ADAMTS17: variants seen among roughly 807,000 people sequenced by gnomAD.
ADAMTS17 encodes A disintegrin and metalloproteinase with thrombospondin motifs 17.
A neutral mutation model predicts 141.5 loss-of-function variants in ADAMTS17; 113 were observed. That is an observed-to-expected ratio of 0.80 (90% CI 0.69 to 0.93). The LOEUF is 0.93. ADAMTS17 is among the 40% of genes least tolerant of loss of function. ADAMTS17 has a pLI of 0.00. For missense variants in ADAMTS17, 1,659 were observed against 1,517.9 expected (o/e 1.09, Z -1.54); for synonymous variants, 768 against 630.6 (o/e 1.22, Z -3.27).
chr15:100,239,480 G>C (rs1003228179), intron 7 of ADAMTS17, among the ~76,000 whole-genome samples: 4 of 151,830 alleles, frequency 2.6e-5, no homozygotes, highest in African/African-American at 4.9e-5. Flanking sequence ...TGCAGATCTC[G>C]GCACCGCTCC....
chr15:100,194,310 C>A (rs1026401003), intron 8 of ADAMTS17, among the ~76,000 whole-genome samples: 3 of 152,186 alleles, frequency 2.0e-5, no homozygotes, highest in African/African-American at 7.2e-5. Flanking sequence ...AGCAGCTGCA[C>A]TAGGACCAGC....
intron 3 of ADAMTS17, among the ~76,000 whole-genome samples, chr15:100,325,502 C>G (rs551818109): frequency 7.2e-5 from 11 of 152,160 alleles, no homozygotes; most frequent in Non-Finnish European, 1.5e-4. Flanking sequence ...CCCTCCAGAT[C>G]TCATAATGAA....
intron 7 of ADAMTS17, among the ~76,000 whole-genome samples, chr15:100,221,360 TAAGGA>T (rs1475894047): frequency 5.3e-5 from 8 of 152,128 alleles, no homozygotes; most frequent in Admixed American, 5.2e-4. Context: ...GTGTGTGTTT[TAAGGA>T]GAGAAAAAAT....
At chr15:100,131,366 G>GAAAAAA (rs11398544) in intron 12 of ADAMTS17, among the ~76,000 whole-genome samples, 2 of 127,808 alleles carry the variant, frequency 1.6e-5, no homozygotes, top group Non-Finnish European at 1.6e-5. Flanking sequence ...CTTAAAGTAT[G>GAAAAAA]AAAAAAAAAA....
At chr15:100,087,460 AAG>A (rs145026334) in intron 15 of ADAMTS17, among the ~76,000 whole-genome samples, 49,366 of 151,576 alleles carry the variant, frequency 0.33, 10,214 homozygotes, top group East Asian at 0.58. Flanking sequence ...TCAATAGAAA[AAG>A]AGGGAATCCT....
chr15:100,237,521 G>T (rs1239040250), intron 7 of ADAMTS17, among the ~76,000 whole-genome samples: 2 of 152,224 alleles, frequency 1.3e-5, no homozygotes, highest in African/African-American at 4.8e-5. Context: ...CACAGAGCAG[G>T]CATTGTGCAG....
At chr15:100,002,413 A>G (rs1201843798) in intron 18 of ADAMTS17, among the ~76,000 whole-genome samples, 1 of 152,020 alleles carries the variant, frequency 6.6e-6, no homozygotes, top group African/African-American at 2.4e-5. Flanking sequence ...GTGCATGGCC[A>G]TTCCCAGCAC....
intron 18 of ADAMTS17, among the ~76,000 whole-genome samples, chr15:100,007,466 G>A (rs2061059051): frequency 6.6e-6 from 1 of 151,920 alleles, no homozygotes. Flanking sequence ...TGTCACCCAG[G>A]CTGGAGTGCA....
chr15:100,136,529 G>A (rs1006957211), intron 10 of ADAMTS17, among the ~76,000 whole-genome samples: 3 of 152,176 alleles, frequency 2.0e-5, no homozygotes, highest in African/African-American at 7.2e-5. Flanking sequence ...GTCATGCATT[G>A]CAAATGACAA....
intron 8 of ADAMTS17, among the ~76,000 whole-genome samples, chr15:100,171,489 C>T (rs1266728954): frequency 3.3e-5 from 5 of 152,160 alleles, no homozygotes; most frequent in Non-Finnish European, 5.9e-5. Flanking sequence ...CAAACCCTGA[C>T]CCCTGCACGC....
intron 8 of ADAMTS17, among the ~76,000 whole-genome samples, chr15:100,159,942 A>T (rs1398360957): frequency 6.6e-6 from 1 of 152,222 alleles, no homozygotes; most frequent in East Asian, 1.9e-4. Flanking sequence ...CAGGGTCTGG[A>T]ACCATGAGCT....
intron 18 of ADAMTS17, among the ~76,000 whole-genome samples, chr15:100,016,985 G>A (rs1369829848): frequency 1.3e-5 from 2 of 152,188 alleles, no homozygotes; most frequent in African/African-American, 2.4e-5. Context: ...GCCCATTCAA[G>A]TGTGGGCAGG....
chr15:100,275,610 T>G (rs1484673107), intron 4 of ADAMTS17, among the ~76,000 whole-genome samples: 1 of 152,054 alleles, frequency 6.6e-6, no homozygotes, highest in African/African-American at 2.4e-5. Context: ...TGCCCTACTG[T>G]GTACTCACAG....
intron 7 of ADAMTS17, among the ~76,000 whole-genome samples, chr15:100,210,320 A>C (rs1233007665): frequency 1.3e-5 from 2 of 151,194 alleles, no homozygotes; most frequent in Non-Finnish European, 2.9e-5. Context: ...CAACACTAAC[A>C]TTTGTCAGAC....
chr15:100,283,162 A>C (rs2044339020), intron 3 of ADAMTS17, among the ~76,000 whole-genome samples: 1 of 152,352 alleles, frequency 6.6e-6, no homozygotes, highest in Non-Finnish European at 1.5e-5. Context: ...ATTTATCACA[A>C]AACTGCAAAA....
intron 4 of ADAMTS17, among the ~76,000 whole-genome samples, chr15:100,278,389 A>G (rs1317749229): frequency 2.0e-5 from 3 of 151,812 alleles, no homozygotes; most frequent in Admixed American, 2.0e-4. Flanking sequence ...AGTTAACGGA[A>G]CTTCCAGAGT....
intron 18 of ADAMTS17, among the ~76,000 whole-genome samples, chr15:100,034,025 T>A (rs2030455857): frequency 1.3e-5 from 2 of 152,358 alleles, no homozygotes; most frequent in African/African-American, 4.8e-5. Flanking sequence ...CACTATACAC[T>A]AGCTCTATCC....
intron 7 of ADAMTS17, among the ~76,000 whole-genome samples, chr15:100,238,791 A>C (rs562734406): frequency 1.3e-5 from 2 of 152,296 alleles, no homozygotes; most frequent in Non-Finnish European, 2.9e-5. Context: ...AATGCTATCG[A>C]AAAGCGAGAA....
At chr15:100,338,464 G>T (rs940646676) in intron 2 of ADAMTS17, among the ~76,000 whole-genome samples, 1 of 152,136 alleles carries the variant, frequency 6.6e-6, no homozygotes, top group Non-Finnish European at 1.5e-5. Context: ...CTCAACATCC[G>T]GAACGAAGTT....
Sources: allele counts gnomAD v4.1 joint callset (sites outside exome capture counted in the v4.1 genomes callset), GRCh38; gene constraint gnomAD v4.1.1; transcripts MANE v1.5; gene names NCBI Gene and HGNC (gene_info 2026-07-23, HGNC 2026-07-21).